The following C10orf90 variants were observed in gnomAD, a reference collection of about 807,000 sequenced individuals.
C10orf90 encodes the protein (E2-independent) E3 ubiquitin-conjugating enzyme FATS.
C10orf90 carries 56 observed loss-of-function variants against 62.5 expected under a neutral mutation model. The observed-to-expected ratio is 0.90, with a 90% confidence interval of 0.72 to 1.12. The LOEUF (loss-of-function observed/expected upper bound fraction) is 1.12, where lower values mean the gene tolerates loss of function less well. Ranked by LOEUF, C10orf90 falls within the 50% of genes most tolerant of loss-of-function variation. The pLI is 0.00. For missense variants in C10orf90, 970 were observed against 880.4 expected, an observed-to-expected ratio of 1.10 and a Z score of -1.29; for synonymous variants, 386 against 340.4, an observed-to-expected ratio of 1.13 and a Z score of -1.47.
intron 2 of C10orf90, among the ~76,000 whole-genome samples, chr10:126,602,145 C>T (rs2134042232): frequency 6.6e-6 from 1 of 152,308 alleles, no homozygotes; most frequent in Admixed American, 6.5e-5. Context: ...CTCTCAATTG[C>T]TGGTATTTAA....
At chr10:126,626,190 C>T (rs1009574639) in intron 2 of C10orf90, among the ~76,000 whole-genome samples, 2 of 151,798 alleles carry the variant, frequency 1.3e-5, no homozygotes, top group Admixed American at 6.6e-5. Context: ...GGTAAATAAG[C>T]CCCTCTCTTC....
intron 2 of C10orf90, among the ~76,000 whole-genome samples, chr10:126,575,801 C>T (rs1564878655): frequency 6.6e-6 from 1 of 151,958 alleles, no homozygotes; most frequent in African/African-American, 2.4e-5. Context: ...TGATTTTTGA[C>T]AAAGGTGCCA....
At chr10:126,542,016 A>G (rs554580731) in intron 2 of C10orf90, among the ~76,000 whole-genome samples, 1 of 152,374 alleles carries the variant, frequency 6.6e-6, no homozygotes, top group Admixed American at 6.5e-5. Flanking sequence ...GACACATGCT[A>G]TTACATGGGT....
intron 3 of C10orf90, among the ~76,000 whole-genome samples, chr10:126,511,232 C>A (rs187757243): frequency 2.0e-5 from 3 of 152,322 alleles, no homozygotes; most frequent in Non-Finnish European, 4.4e-5. Context: ...ATGGAAAAAT[C>A]TGAGCTTTTC....
intron 4 of C10orf90, among the ~76,000 whole-genome samples, chr10:126,503,396 T>C (rs1396853849): frequency 6.6e-6 from 1 of 152,180 alleles, no homozygotes; most frequent in African/African-American, 2.4e-5. Context: ...AGAGAGTCCC[T>C]GACTTGCCTA....
chr10:126,637,099 A>T (rs919544779), intron 2 of C10orf90, among the ~76,000 whole-genome samples: 1 of 152,210 alleles, frequency 6.6e-6, no homozygotes, highest in Non-Finnish European at 1.5e-5. Context: ...AAAATAATGC[A>T]TAAGCCCAAC....
intron 2 of C10orf90, among the ~76,000 whole-genome samples, chr10:126,617,849 A>C (rs929565202): frequency 1.5e-4 from 23 of 152,346 alleles, no homozygotes; most frequent in African/African-American, 4.8e-4. Context: ...CATTATGAGA[A>C]TAGATTATAC....
chr10:126,427,471 A>T (rs902456978), intron 8 of C10orf90, among the ~76,000 whole-genome samples: 2 of 152,178 alleles, frequency 1.3e-5, no homozygotes, highest in Admixed American at 1.3e-4. Context: ...GGGTGTTGCC[A>T]GAGGAGATTG....
At chr10:126,639,107 T>G (rs1450044645) in intron 2 of C10orf90, among the ~76,000 whole-genome samples, 2 of 152,176 alleles carry the variant, frequency 1.3e-5, no homozygotes, top group Non-Finnish European at 2.9e-5. Context: ...TGAGTGGTGG[T>G]TTTCACAGGG....
chr10:126,629,607 T>C (rs1015646537), intron 2 of C10orf90, among the ~76,000 whole-genome samples: 1 of 152,236 alleles, frequency 6.6e-6, no homozygotes, highest in African/African-American at 2.4e-5. Context: ...GTTTTCAAAG[T>C]AGCTTTAAAT....
chr10:126,655,321 A>AT (rs1846372180), intron 1 of C10orf90, among the ~76,000 whole-genome samples: 7 of 152,268 alleles, frequency 4.6e-5, no homozygotes, highest in African/African-American at 1.4e-4. Flanking sequence ...TGTCTCAAAA[A>AT]AATATATATA....
intron 4 of C10orf90, among the ~76,000 whole-genome samples, chr10:126,495,066 C>T (rs1340771649): frequency 6.6e-6 from 1 of 152,188 alleles, no homozygotes; most frequent in East Asian, 1.9e-4. Flanking sequence ...TCAGATGGGC[C>T]TCATTCCCAA....
At chr10:126,589,861 C>T (rs1591125252) in intron 2 of C10orf90, among the ~76,000 whole-genome samples, 1 of 152,112 alleles carries the variant, frequency 6.6e-6, no homozygotes, top group East Asian at 1.9e-4. Flanking sequence ...CAATATTAAC[C>T]TTAAGTGTAA....
chr10:126,430,094 T>C (rs1380835756), intron 7 of C10orf90, among the ~76,000 whole-genome samples: 3 of 152,212 alleles, frequency 2.0e-5, no homozygotes, highest in African/African-American at 7.2e-5. Context: ...TCTAACCTAC[T>C]TTATGGAGAG....
chr10:126,466,824 T>G (rs1860315741), intron 4 of C10orf90, among the ~76,000 whole-genome samples: 1 of 152,246 alleles, frequency 6.6e-6, no homozygotes, highest in Admixed American at 6.5e-5. Flanking sequence ...CTTTGTCATT[T>G]GGAGACGTTT....
chr10:126,459,559 C>T (rs1288157739), intron 6 of C10orf90, among the ~76,000 whole-genome samples: 1 of 152,206 alleles, frequency 6.6e-6, no homozygotes, highest in Non-Finnish European at 1.5e-5. Context: ...GATCCAAAAG[C>T]CCTACATTCT....
At chr10:126,518,227 G>T (rs1416127734) in intron 2 of C10orf90, among the ~76,000 whole-genome samples, 1 of 152,152 alleles carries the variant, frequency 6.6e-6, no homozygotes, top group Non-Finnish European at 1.5e-5. Flanking sequence ...CACGATGGGG[G>T]CACTTGTTGG....
chr10:126,473,353 T>G (rs1347893721), intron 4 of C10orf90, among the ~76,000 whole-genome samples: 3 of 152,230 alleles, frequency 2.0e-5, no homozygotes, highest in East Asian at 1.9e-4. Context: ...TTGTTTTAAC[T>G]TAGAAAACCC....
chr10:126,595,010 GT>G (rs1845056899), intron 2 of C10orf90, among the ~76,000 whole-genome samples: 2 of 152,126 alleles, frequency 1.3e-5, no homozygotes, highest in Admixed American at 6.5e-5. Flanking sequence ...ACTTTAAAAG[GT>G]TTTTAAATAG....
Sources: allele counts gnomAD v4.1 joint callset (sites outside exome capture counted in the v4.1 genomes callset), GRCh38; gene constraint gnomAD v4.1.1; transcripts MANE v1.5; gene names NCBI Gene and HGNC (gene_info 2026-07-23, HGNC 2026-07-21).